COX7B2: variants seen among roughly 807,000 people sequenced by gnomAD.
COX7B2 encodes cytochrome c oxidase subunit 7B2.
For synonymous variants in COX7B2, 37 were observed against 32.1 expected, an observed-to-expected ratio of 1.15 and a Z score of -0.51; for missense variants, 109 against 95.9, an observed-to-expected ratio of 1.14 and a Z score of -0.57.
At chr4:46,787,531 C>T (rs1717814845) in intron 2 of COX7B2, among the ~76,000 whole-genome samples, 1 of 152,012 alleles carries the variant, frequency 6.6e-6, no homozygotes, top group Non-Finnish European at 1.5e-5. Flanking sequence ...GGCTGGCACA[C>T]TGTAGGTGCT....
chr4:46,816,548 T>G (rs186682231), intron 2 of COX7B2, among the ~76,000 whole-genome samples: 6 of 152,328 alleles, frequency 3.9e-5, no homozygotes, highest in African/African-American at 1.4e-4. Flanking sequence ...ATCATAAAAT[T>G]ATAATTTGTC....
intron 1 of COX7B2, among the ~76,000 whole-genome samples, chr4:46,884,616 G>T (rs1718959784): frequency 6.6e-6 from 1 of 152,190 alleles, no homozygotes; most frequent in East Asian, 1.9e-4. Flanking sequence ...ACCAGCAGAT[G>T]AACCCAGCAA....
At chr4:46,738,391 T>C (rs1426414154) in intron 2 of COX7B2, among the ~76,000 whole-genome samples, 2 of 152,086 alleles carry the variant, frequency 1.3e-5, no homozygotes, top group African/African-American at 2.4e-5. Context: ...AGTAAGTCTA[T>C]TACTAAGAAT....
At chr4:46,736,512 A>C (rs1714372321) in intron 2 of COX7B2, among the ~76,000 whole-genome samples, 1 of 152,116 alleles carries the variant, frequency 6.6e-6, no homozygotes, top group African/African-American at 2.4e-5. Context: ...AGGAACTCAG[A>C]TAAAACAAAT....
chr4:46,822,718 A>G (rs192355869), intron 2 of COX7B2, among the ~76,000 whole-genome samples: 142 of 152,312 alleles, frequency 9.3e-4, no homozygotes, highest in Non-Finnish European at 1.7e-3. Flanking sequence ...TGATTACCCA[A>G]TGTATTTCAT....
At chr4:46,770,184 G>A (rs903187156) in intron 2 of COX7B2, among the ~76,000 whole-genome samples, 2 of 152,072 alleles carry the variant, frequency 1.3e-5, no homozygotes, top group Non-Finnish European at 2.9e-5. Flanking sequence ...AATCAGTTGT[G>A]TTTCTATACA....
chr4:46,777,881 A>T (rs373217185), intron 2 of COX7B2, among the ~76,000 whole-genome samples: 41 of 152,334 alleles, frequency 2.7e-4, no homozygotes, highest in East Asian at 2.3e-3. Context: ...AAAGTTAAAC[A>T]GATGGACCAA....
At chr4:46,840,205 G>T (rs549695582) in intron 2 of COX7B2, among the ~76,000 whole-genome samples, 1 of 152,036 alleles carries the variant, frequency 6.6e-6, no homozygotes, top group South Asian at 2.1e-4. Context: ...AGGAGGAAGG[G>T]GCCTGAAGGA....
At chr4:46,762,734 T>A (rs2109481357) in intron 2 of COX7B2, among the ~76,000 whole-genome samples, 1 of 147,720 alleles carries the variant, frequency 6.8e-6, no homozygotes, top group Non-Finnish European at 1.5e-5. Context: ...GTTAAATCTA[T>A]TATGAGCCAT....
chr4:46,837,180 A>G (rs1715571067), intron 2 of COX7B2, among the ~76,000 whole-genome samples: 1 of 152,114 alleles, frequency 6.6e-6, no homozygotes, highest in Admixed American at 6.6e-5. Context: ...GTAGTTTAAG[A>G]AATACAGCTG....
At chr4:46,876,861 A>G (rs1718372915) in intron 1 of COX7B2, 2 of 152,214 alleles carry the variant, frequency 1.3e-5, no homozygotes, top group Non-Finnish European at 2.9e-5. Flanking sequence ...AGACTTTGTC[A>G]AGTATGAGTT....
intron 1 of COX7B2, among the ~76,000 whole-genome samples, chr4:46,903,342 G>A (rs1054202372): frequency 6.6e-6 from 1 of 152,140 alleles, no homozygotes; most frequent in South Asian, 2.1e-4. Flanking sequence ...ACAGTCATGT[G>A]CCACATAACA....
intron 2 of COX7B2, among the ~76,000 whole-genome samples, chr4:46,790,712 G>A (rs1019673937): frequency 1.3e-5 from 2 of 152,144 alleles, no homozygotes; most frequent in Admixed American, 1.3e-4. Flanking sequence ...GGTCAAAGAA[G>A]GCAGTATACT....
chr4:46,789,389 C>T lies in COX7B2; in HGVS notation c.-49-54148G>A, dbSNP rs181309782. ...GTTAGTTCTGGTCAAAAACAACCAT[C>T]ACAAAAATAATCTCAAAAAAATTTT... is the stretch of plus-strand genomic sequence containing the variant. On this transcript the variant is annotated intron_variant, in intron 2 of 2. Coordinates refer to ENST00000355591, the MANE Select transcript of COX7B2 (RefSeq NM_130902.3). Among the ~76,000 whole-genome samples the T allele has an allele frequency of 7.0e-3, 1,067 of 152,220 alleles. 5 individuals are homozygous for T. The highest frequency in any genetic ancestry group is 0.012 in the Non-Finnish European group (787 of 67,976).
At chr4:46,837,848 T>A (rs570891801) in intron 2 of COX7B2, among the ~76,000 whole-genome samples, 4 of 152,124 alleles carry the variant, frequency 2.6e-5, no homozygotes, top group South Asian at 2.1e-4. Context: ...CAGGATAAGG[T>A]ATGGGGAATA....
chr4:46,841,864 C>A (rs959984199), intron 2 of COX7B2, among the ~76,000 whole-genome samples: 5 of 151,802 alleles, frequency 3.3e-5, no homozygotes, highest in Admixed American at 3.3e-4. Flanking sequence ...ATATAAAAAT[C>A]AAAAAATAAT....
At chr4:46,783,866 TCAAA>T (rs751403545) in intron 2 of COX7B2, among the ~76,000 whole-genome samples, 4 of 152,188 alleles carry the variant, frequency 2.6e-5, no homozygotes, top group South Asian at 2.1e-4. Context: ...GCATCACACA[TCAAA>T]CAATCAGATT....
chr4:46,769,402 T>C (rs996455831), intron 2 of COX7B2, among the ~76,000 whole-genome samples: 5 of 152,184 alleles, frequency 3.3e-5, no homozygotes, highest in African/African-American at 1.2e-4. Flanking sequence ...AATGGTTCAA[T>C]GTCTGCAAAG....
chr4:46,782,787 C>T (rs183364087), intron 2 of COX7B2, among the ~76,000 whole-genome samples: 12 of 152,242 alleles, frequency 7.9e-5, no homozygotes, highest in Admixed American at 3.3e-4. Flanking sequence ...TAAGGCTCAC[C>T]GCGAAGGTCT....
Sources: allele counts gnomAD v4.1 joint callset (sites outside exome capture counted in the v4.1 genomes callset), GRCh38; gene constraint gnomAD v4.1.1; transcripts MANE v1.5; gene names NCBI Gene and HGNC (gene_info 2026-07-23, HGNC 2026-07-21).